The following INTS13 variants were observed in gnomAD, a reference collection of about 807,000 sequenced individuals.
INTS13 encodes the protein asunder, spermatogenesis regulator homolog (Drosphila).
Under a neutral mutation model 90.2 loss-of-function variants are expected in INTS13, and 35 were observed. The ratio of observed to expected loss-of-function variants is 0.39; its 90% CI spans 0.30 to 0.51. The LOEUF (loss-of-function observed/expected upper bound fraction) is 0.51. Among genes scored for constraint, INTS13 ranks in the 20% least tolerant of loss-of-function variants. The pLI, the probability that INTS13 is intolerant of heterozygous loss-of-function variation, is 0.80. For missense variants in INTS13, 601 were observed against 851.2 expected, an observed-to-expected ratio of 0.71 and a Z score of 3.66; for synonymous variants, 309 against 277.1, an observed-to-expected ratio of 1.11 and a Z score of -1.14.
intron 13 of INTS13, 92 bp from the exon 14 acceptor site, chr12:26,913,779 C>T: frequency 8.3e-7 from 1 of 1,209,528 alleles, no homozygotes; most frequent in Non-Finnish European, 1.2e-6. Context: ...TGTGGACTTC[C>T]TTCCTCTTAC....
chr12:26,935,521 T>C (rs61923396), intron 2 of INTS13, among the ~76,000 whole-genome samples: 3,454 of 152,290 alleles, frequency 0.023, 49 homozygotes, highest in South Asian at 0.057. Context: ...CGTAGATTTA[T>C]CTCTTTTAAA....
chr12:26,915,801 T>C (rs1951915205), intron 11 of INTS13, among the ~76,000 whole-genome samples: 1 of 152,224 alleles, frequency 6.6e-6, no homozygotes, highest in Admixed American at 6.5e-5. Flanking sequence ...TCTCAGTATA[T>C]ACTGAATATA....
intron 7 of INTS13, among the ~76,000 whole-genome samples, chr12:26,923,805 G>A (rs1480381837): frequency 6.6e-6 from 1 of 151,944 alleles, no homozygotes; most frequent in Non-Finnish European, 1.5e-5. Flanking sequence ...CTTTATACTG[G>A]GTGGGCAACA....
rs557456008 is a variant in INTS13, at chr12:26,914,226, T to C, written c.1420-98A>G. 3 of 1,256,974 alleles carry C rather than the reference T, an allele frequency of 2.4e-6. No homozygotes were observed. The South Asian group carries it at 4.9e-5, about 21-fold the overall frequency. 77.9% of individuals were successfully genotyped at this position (1,256,974 alleles called of 1,614,324 possible). ...TGATTTTCGAAAGGATTTTAAAGAT[T>C]ATCATGGTGAAGGAATCTATAACTA... is the stretch of plus-strand genomic sequence containing the variant. On this transcript the variant is annotated intron_variant, in intron 12 of 16. Transcript: ENST00000261191.
At chr12:26,933,433 G>A (rs936723481) in intron 3 of INTS13, among the ~76,000 whole-genome samples, 2 of 152,074 alleles carry the variant, frequency 1.3e-5, no homozygotes, top group Non-Finnish European at 2.9e-5. Flanking sequence ...AAGAAAAATG[G>A]TGTTAGGCTT....
intron 6 of INTS13, among the ~76,000 whole-genome samples, chr12:26,925,532 T>C (rs1457357569): frequency 2.6e-5 from 4 of 152,120 alleles, no homozygotes; most frequent in African/African-American, 9.7e-5. Context: ...TAACACATTT[T>C]GATAAAATAA....
At chr12:26,917,509 A>G in intron 9 of INTS13, 68 bp from the exon 10 acceptor site, 1 of 1,281,630 alleles carries the variant, frequency 7.8e-7, no homozygotes, top group Non-Finnish European at 1.1e-6. Flanking sequence ...AAGAAAGAAA[A>G]AAAAACTTCT....
chr12:26,938,274 T>G (rs961229101), upstream of INTS13: 5 of 151,782 alleles, frequency 3.3e-5, no homozygotes, highest in African/African-American at 1.2e-4. Context: ...CCACCCGGTC[T>G]CCCCTTCTCT....
chr12:26,915,957 G>A (rs779131364), intron 11 of INTS13, 45 bp downstream of exon 11: 2 of 1,420,328 alleles, frequency 1.4e-6, no homozygotes, highest in East Asian at 4.7e-5. Context: ...CTTGCTGAAT[G>A]ATGACAGATT....
intron 5 of INTS13, among the ~76,000 whole-genome samples, chr12:26,927,391 TCA>T (rs1206498711): frequency 1.3e-5 from 2 of 152,184 alleles, no homozygotes; most frequent in Admixed American, 6.5e-5. Flanking sequence ...CAGTTGGTAT[TCA>T]CAGAGTTGGA....
chr12:26,914,284 T>C (rs1951870687), intron 12 of INTS13, 124 bp downstream of exon 12: 1 of 1,207,432 alleles, frequency 8.3e-7, no homozygotes, highest in African/African-American at 1.6e-5. Context: ...ATTCTTTAAC[T>C]TTAGCAAGCT....
chr12:26,918,304 T>C (rs1952003516), intron 8 of INTS13, among the ~76,000 whole-genome samples: 1 of 152,136 alleles, frequency 6.6e-6, no homozygotes, highest in African/African-American at 2.4e-5. Context: ...ACTAACATTA[T>C]CAAGTAGATC....
chr12:26,906,406 A>T lies in INTS13; in HGVS notation c.1977T>A (p.Asn659Lys), dbSNP rs1257131497. 2 of 1,612,142 alleles carry T rather than the reference A, an allele frequency of 1.2e-6. No individual in the cohort carries two copies. Among genetic ancestry groups the T allele is most frequent in the Admixed American group, 3.3e-5 (2 of 59,898 alleles). The part of the protein sequence containing the change: ...GPVSLLSLWS[N>K]RINTANSRKH... The stretch of plus-strand genomic sequence containing the variant: ...TTCTGGAATTGGCAGTATTGATTCT[A>T]TTACTCCACAAGGATAATAACGACA... The change falls in exon 16 of 17, where the codon AAT (asparagine) becomes AAA (lysine). Residue 659 changes from asparagine (N) to lysine (K), a missense_variant. By Grantham distance (94) the Asn-to-Lys change is moderately conservative (BLOSUM62 0). Coordinates refer to ENST00000261191, the MANE Select transcript of INTS13 (RefSeq NM_018164.3).
chr12:26,922,519 G>T, intron 8 of INTS13, 97 bp downstream of exon 8: 1 of 820,914 alleles, frequency 1.2e-6, no homozygotes, highest in Non-Finnish European at 1.9e-6. Context: ...GGCATCCACT[G>T]GGGGTCTTGG....
chr12:26,925,594 T>C (rs1937823738), intron 6 of INTS13, among the ~76,000 whole-genome samples, 167 bp downstream of exon 6: 2 of 152,118 alleles, frequency 1.3e-5, no homozygotes, highest in Admixed American at 6.5e-5. Context: ...TCCACAATTA[T>C]ACCATAAAGA....
rs748812805 is a variant in INTS13, at chr12:26,913,524, T to G, written c.1738A>C (p.Lys580Gln). The change falls in exon 14 of 17, where the codon AAA (lysine) becomes CAA (glutamine). Residue 580 changes from lysine to glutamine, a missense_variant. Physicochemically the swap from Lys to Gln is moderately conservative, Grantham distance 53 (BLOSUM62 1). Coordinates refer to ENST00000261191, the MANE Select transcript of INTS13 (RefSeq NM_018164.3). ...RKKRGRKREDKEDKSEKAVKD... is the reference protein window; with the variant it reads ...RKKRGRKREDQEDKSEKAVKD... ...ACTGCTTTCTCTGACTTGTCCTCTT[T>G]GTCTTCCCTCTTTCTTCCTCGTTTC... 2 of 1,614,188 alleles carry G rather than the reference T, an allele frequency of 1.2e-6. No homozygotes were observed. The highest frequency in any genetic ancestry group is 8.5e-7 in the Non-Finnish European group (1 of 1,180,032).
intron 11 of INTS13, among the ~76,000 whole-genome samples, chr12:26,915,384 T>C (rs79786085): frequency 6.6e-6 from 1 of 152,174 alleles, no homozygotes; most frequent in East Asian, 1.9e-4. Context: ...TTGATTAGGC[T>C]TCTCCTTATT....
intron 15 of INTS13, among the ~76,000 whole-genome samples, chr12:26,909,347 G>A (rs1951706881): frequency 6.6e-6 from 1 of 152,036 alleles, no homozygotes; most frequent in African/African-American, 2.4e-5. Context: ...GGCAACAAGA[G>A]TGGACTCCAT....
intron 5 of INTS13, among the ~76,000 whole-genome samples, chr12:26,927,825 A>G (rs879325495): frequency 1.3e-5 from 2 of 152,118 alleles, no homozygotes; most frequent in African/African-American, 2.4e-5. Context: ...CATGTTGCCC[A>G]GGCTGGTCTT....
Sources: allele counts gnomAD v4.1 joint callset (sites outside exome capture counted in the v4.1 genomes callset), GRCh38; gene constraint gnomAD v4.1.1; transcripts MANE v1.5; gene names NCBI Gene and HGNC (gene_info 2026-07-23, HGNC 2026-07-21).